Variants in NMBR observed in about 807,000 individuals in gnomAD.
NMBR encodes the protein neuromedin-B receptor.
In NMBR, 16 loss-of-function variants were observed where a neutral mutation model predicts 20.5. That is an observed-to-expected ratio of 0.78 (90% CI 0.53 to 1.19). NMBR has a LOEUF of 1.19. NMBR is among the 50% of genes most tolerant of loss of function. The probability of loss-of-function intolerance (pLI) is 0.00; values close to 1 mark genes in which losing one functional copy is unlikely to be tolerated. For synonymous variants in NMBR, 212 were observed against 196.6 expected (o/e 1.08, Z -0.65); for missense variants, 582 against 499.1 (o/e 1.17, Z -1.58).
chr6:142,102,658 G>T (rs922689061), intron 1 of NMBR, among the ~76,000 whole-genome samples: 1 of 152,190 alleles, frequency 6.6e-6, no homozygotes, highest in African/African-American at 2.4e-5. Flanking sequence ...GTTAAGAGGA[G>T]TGGAACCTAT....
chr6:142,107,777 G>T (rs540291084), intron 1 of NMBR, among the ~76,000 whole-genome samples: 91 of 151,928 alleles, frequency 6.0e-4, no homozygotes, highest in Non-Finnish European at 1.1e-3. Flanking sequence ...AGACCTCAAA[G>T]CATCTAATAT....
At position 142,078,760 on chromosome 6, in the gene NMBR, C is replaced by G; in HGVS notation, c.566G>C (p.Ser189Thr). 1 of 1,613,896 alleles carries G rather than the reference C, an allele frequency of 6.2e-7. No individual in the cohort carries two copies. The highest frequency in any genetic ancestry group is 8.5e-7 in the Non-Finnish European group (1 of 1,179,996). ...AVFSEVARIS[S>T]LDNSSFTACI... ...TGCTGTGAAGCTGCTATTATCCAAG[C>G]TACTGATGCGAGCCACTTCTGAAAA... Residue 189 changes from serine (S) to threonine (T), a missense_variant, in exon 3 of 4, where the codon AGC becomes ACC. Physicochemically the swap from Ser to Thr is moderately conservative, Grantham distance 58 (BLOSUM62 1). Coordinates refer to ENST00000258042, the MANE Select transcript of NMBR (RefSeq NM_002511.4).
intron 1 of NMBR, chr6:142,134,146 G>A: frequency 2.0e-6 from 1 of 495,910 alleles, no homozygotes; most frequent in Non-Finnish European, 3.6e-6. Context: ...TTGTTCCTAA[G>A]GATTATGTTA....
chr6:142,092,941 A>G (rs976599571), intron 1 of NMBR, among the ~76,000 whole-genome samples: 2 of 152,254 alleles, frequency 1.3e-5, no homozygotes, highest in Admixed American at 6.5e-5. Flanking sequence ...TAAAGAAGCT[A>G]AGTTCCTACC....
chr6:142,100,784 T>G (rs1777545177), intron 1 of NMBR, among the ~76,000 whole-genome samples: 1 of 152,208 alleles, frequency 6.6e-6, no homozygotes, highest in African/African-American at 2.4e-5. Flanking sequence ...TGGGAGACTA[T>G]GTACGTGTGT....
At chr6:142,138,662 C>T (rs1778313880) in intron 1 of NMBR, among the ~76,000 whole-genome samples, 1 of 152,106 alleles carries the variant, frequency 6.6e-6, no homozygotes, top group Non-Finnish European at 1.5e-5. Context: ...CTATAGATAA[C>T]ATACCCCTTG....
At chr6:142,094,760 G>A (rs1186231577) in intron 1 of NMBR, among the ~76,000 whole-genome samples, 2 of 152,080 alleles carry the variant, frequency 1.3e-5, no homozygotes, top group African/African-American at 2.4e-5. Flanking sequence ...CCATTTCCAC[G>A]ATATTGATTC....
At chr6:142,133,823 A>AC (rs1554216287) in intron 1 of NMBR, 2 of 610,458 alleles carry the variant, frequency 3.3e-6, no homozygotes, top group African/African-American at 3.7e-5. Flanking sequence ...TGTTTAAAAG[A>AC]TTTTTTTTCT....
chr6:142,098,955 A>G (rs1341152655), intron 1 of NMBR, among the ~76,000 whole-genome samples: 1 of 152,206 alleles, frequency 6.6e-6, no homozygotes, highest in East Asian at 1.9e-4. Context: ...ATGAAAGAAT[A>G]GACAAATAGA....
chr6:142,144,686 T>C (rs891325606), intron 1 of NMBR, among the ~76,000 whole-genome samples: 1 of 152,206 alleles, frequency 6.6e-6, no homozygotes. Context: ...ATAATTTCAA[T>C]GTGTGTTACA....
chr6:142,099,323 C>G (rs112691043), intron 1 of NMBR, among the ~76,000 whole-genome samples: 3,573 of 152,230 alleles, frequency 0.023, 154 homozygotes, highest in African/African-American at 0.08. Flanking sequence ...TTAATTGACT[C>G]ATAGTTCCAC....
At chr6:142,077,056 A>G (rs759787423) in intron 3 of NMBR, among the ~76,000 whole-genome samples, 1 of 152,228 alleles carries the variant, frequency 6.6e-6, no homozygotes, top group Non-Finnish European at 1.5e-5. Context: ...TCCCAGTGGC[A>G]TAAGTTAGGC....
chr6:142,101,330 C>A (rs1209957370), intron 1 of NMBR, among the ~76,000 whole-genome samples: 2 of 152,112 alleles, frequency 1.3e-5, no homozygotes, highest in African/African-American at 4.8e-5. Context: ...CAGCTTTTGG[C>A]TAAACTTGAT....
chr6:142,128,693 C>A (rs1778084284), intron 1 of NMBR, among the ~76,000 whole-genome samples: 1 of 152,010 alleles, frequency 6.6e-6, no homozygotes, highest in Admixed American at 6.6e-5. Context: ...ATGTATTAAG[C>A]AATCCTTGCA....
chr6:142,087,239 T>A (rs1777216474), intron 2 of NMBR, among the ~76,000 whole-genome samples: 1 of 152,218 alleles, frequency 6.6e-6, no homozygotes, highest in Non-Finnish European at 1.5e-5. Context: ...GACTTATTTT[T>A]CATTAGCAAT....
chr6:142,109,910 T>C (rs9373338), intron 1 of NMBR, among the ~76,000 whole-genome samples: 39,608 of 151,904 alleles, frequency 0.26, 5,844 homozygotes, highest in East Asian at 0.68. Flanking sequence ...GATATGAGCC[T>C]TCACCAGACA....
chr6:142,125,165 T>C (rs1184765013), intron 1 of NMBR, among the ~76,000 whole-genome samples: 1 of 151,850 alleles, frequency 6.6e-6, no homozygotes, highest in African/African-American at 2.4e-5. Context: ...AAACATACCA[T>C]TCTGAGTACC....
rs770966962 is a variant in NMBR at position 142,088,217 on chromosome 6, ACAG to A, written c.422+17_422+19del. 6.3e-7 allele frequency: 1 copy of A among 1,599,914 alleles called. No individual in the cohort carries two copies. Among genetic ancestry groups the A allele is most frequent in the Non-Finnish European group, 8.5e-7 (1 of 1,175,388 alleles). On this transcript the variant is annotated intron_variant, in intron 2 of 3. Transcript: ENST00000258042. ...TCTCCACGACTTTTCCAAGCCACTC[ACAG>A]CTACCTGTGCTCTTACCTGTCGGCG...
chr6:142,136,552 A>C (rs982835754), intron 1 of NMBR, among the ~76,000 whole-genome samples: 1 of 152,098 alleles, frequency 6.6e-6, no homozygotes, highest in African/African-American at 2.4e-5. Context: ...TTGGTGTTTT[A>C]GACATGAAGT....
Sources: allele counts gnomAD v4.1 joint callset (sites outside exome capture counted in the v4.1 genomes callset), GRCh38; gene constraint gnomAD v4.1.1; transcripts MANE v1.5; gene names NCBI Gene and HGNC (gene_info 2026-07-23, HGNC 2026-07-21).